LAMA2: variants seen among roughly 807,000 people sequenced by gnomAD.
The protein encoded by LAMA2 is laminin subunit alpha 2.
A neutral mutation model predicts 364.8 loss-of-function variants in LAMA2; 269 were observed. The ratio of observed to expected loss-of-function variants is 0.74; its 90% confidence interval spans 0.67 to 0.82. LAMA2 has a LOEUF of 0.82. Among genes scored for constraint, LAMA2 ranks in the 40% least tolerant of loss-of-function variants. LAMA2 has a pLI of 0.00. For missense variants in LAMA2, 3,807 were observed against 3,873.2 expected, an observed-to-expected ratio of 0.98 and a Z score of 0.45; for synonymous variants, 1,379 against 1,370.6, an observed-to-expected ratio of 1.01 and a Z score of -0.14.
chr6:129,408,505 G>A (rs1483919328), intron 40 of LAMA2, among the ~76,000 whole-genome samples: 4 of 152,094 alleles, frequency 2.6e-5, no homozygotes, highest in Non-Finnish European at 5.9e-5. Context: ...GGGAGTTCAC[G>A]GATGGTACTC....
chr6:128,921,706 T>TTATTTATTTA (rs1562831966), intron 1 of LAMA2, among the ~76,000 whole-genome samples: 278 of 148,912 alleles, frequency 1.9e-3, no homozygotes, highest in African/African-American at 6.2e-3. Context: ...TGTTTTTTTT[T>TTATTTATTTA]TTTTTTTATT....
In LAMA2 at chr6:129,465,150, T is replaced by G. The variant is rs1019635521; in HGVS notation, c.7161T>G (p.Asp2387Glu). Residue 2387 changes from aspartate (D) to glutamate (E), a missense_variant, in exon 51 of 65, where the codon GAT (aspartate) becomes GAG (glutamate). Around this residue, in one of 3 missense-constraint regions of LAMA2, gnomAD observed 3,333 missense variants for 3,345.7 expected, o/e 1.00. Transcript: ENST00000421865. The part of the protein sequence containing the change: ...LMYLATRDLR[D>E]FMSVELTDGH... ...TATGTTTACTCTATTAATAGAGAGA[T>G]TTCATGAGTGTGGAGCTCACTGATG... The G allele has an allele frequency of 6.2e-7, 1 of 1,609,654 alleles. No individual in the cohort carries two copies. Among genetic ancestry groups the G allele is most frequent in the African/African-American group, 1.3e-5 (1 of 74,722 alleles).
intron 3 of LAMA2, among the ~76,000 whole-genome samples, chr6:129,096,352 A>G (rs1381709401): frequency 1.3e-5 from 2 of 152,186 alleles, no homozygotes; most frequent in African/African-American, 4.8e-5. Context: ...ATTTATGTTC[A>G]TACAAAAAAT....
At chr6:129,178,130 T>A (rs1348469670) in intron 10 of LAMA2, among the ~76,000 whole-genome samples, 1 of 152,176 alleles carries the variant, frequency 6.6e-6, no homozygotes, top group Non-Finnish European at 1.5e-5. Context: ...ATTGCCCAAC[T>A]AGTGTGTTAA....
chr6:128,892,645 T>C (rs556769488), intron 1 of LAMA2, among the ~76,000 whole-genome samples: 2 of 152,074 alleles, frequency 1.3e-5, no homozygotes, highest in Non-Finnish European at 2.9e-5. Context: ...AATTTCAGCA[T>C]GGCCTTCAGT....
At chr6:129,329,105 C>T (rs748744535) in intron 29 of LAMA2, among the ~76,000 whole-genome samples, 1 of 152,106 alleles carries the variant, frequency 6.6e-6, no homozygotes, top group Non-Finnish European at 1.5e-5. Context: ...GTAAGAAATT[C>T]AGGTTGCCCC....
intron 1 of LAMA2, among the ~76,000 whole-genome samples, chr6:128,910,044 T>A (rs888345934): frequency 5.3e-5 from 8 of 152,144 alleles, no homozygotes; most frequent in East Asian, 1.9e-4. Flanking sequence ...GGGTAACCCG[T>A]GCTTTCTCTC....
chr6:128,911,140 C>T (rs926066587), intron 1 of LAMA2, among the ~76,000 whole-genome samples: 1 of 152,166 alleles, frequency 6.6e-6, no homozygotes, highest in South Asian at 2.1e-4. Context: ...GCAGGCAGGC[C>T]TCCTTGAGCT....
intron 2 of LAMA2, among the ~76,000 whole-genome samples, chr6:129,050,647 G>A (rs1192510303): frequency 2.0e-5 from 3 of 152,174 alleles, no homozygotes; most frequent in Admixed American, 2.0e-4. Flanking sequence ...AGAGGTGAGG[G>A]AGGGGAAGAG....
chr6:128,908,784 T>G (rs1242038094), intron 1 of LAMA2, among the ~76,000 whole-genome samples: 1 of 149,832 alleles, frequency 6.7e-6, no homozygotes, highest in Non-Finnish European at 1.5e-5. Flanking sequence ...GTGCTATAAA[T>G]TTCCCTCTAC....
chr6:129,128,523 A>T (rs1174350138), intron 4 of LAMA2, among the ~76,000 whole-genome samples: 1 of 152,168 alleles, frequency 6.6e-6, no homozygotes, highest in African/African-American at 2.4e-5. Flanking sequence ...TTTTTTCTAT[A>T]TCTGAAAAAT....
intron 4 of LAMA2, among the ~76,000 whole-genome samples, chr6:129,126,489 T>C (rs1052357817): frequency 1.1e-4 from 17 of 152,198 alleles, no homozygotes; most frequent in Non-Finnish European, 2.1e-4. Flanking sequence ...GAAACTAATA[T>C]GAATGAAGCA....
At chr6:129,125,910 C>T (rs1777088979) in intron 4 of LAMA2, among the ~76,000 whole-genome samples, 1 of 151,834 alleles carries the variant, frequency 6.6e-6, no homozygotes, top group African/African-American at 2.4e-5. Context: ...CATAAATTTA[C>T]ATAATTAGAA....
Position 128,911,180 on chromosome 6 carries a change from C to T in LAMA2, c.112+27823C>T, listed in dbSNP as rs564388991. On this transcript the variant is annotated intron_variant, in intron 1 of 64. Transcript: ENST00000421865. ...TGGGCTACACCCAGTTCGAGCTTCC[C>T]GGCTGCTTTGTTTACCTAATCAAGC... is the stretch of plus-strand genomic sequence containing the variant. Among the ~76,000 whole-genome samples, 319 of 152,044 alleles carry T rather than the reference C, an allele frequency of 2.1e-3. 2 individuals are homozygous for T. The highest frequency in any genetic ancestry group is 5.9e-3 in the African/African-American group (246 of 41,362).
intron 4 of LAMA2, among the ~76,000 whole-genome samples, chr6:129,101,332 T>C (rs1266564058): frequency 6.6e-6 from 1 of 152,210 alleles, no homozygotes; most frequent in Non-Finnish European, 1.5e-5. Flanking sequence ...TTAAACTCGG[T>C]ACATACAGAA....
intron 8 of LAMA2, among the ~76,000 whole-genome samples, chr6:129,155,042 G>C (rs540421822): frequency 7.3e-4 from 111 of 152,232 alleles, no homozygotes; most frequent in African/African-American, 2.6e-3. Flanking sequence ...AATATGTTAA[G>C]ATTTATCCAT....
chr6:129,005,128 CTT>C (rs556654623), intron 1 of LAMA2, among the ~76,000 whole-genome samples: 1 of 150,754 alleles, frequency 6.6e-6, no homozygotes, highest in South Asian at 2.1e-4. Context: ...TTACTGTCCT[CTT>C]TTTTTTTCTG....
At chr6:129,112,194 G>A (rs571582950) in intron 4 of LAMA2, among the ~76,000 whole-genome samples, 4 of 151,948 alleles carry the variant, frequency 2.6e-5, no homozygotes, top group African/African-American at 7.2e-5. Context: ...CTTAGATTAT[G>A]TCAAGGGAAA....
At chr6:128,948,038 A>C (rs1780587288) in intron 1 of LAMA2, among the ~76,000 whole-genome samples, 2 of 152,266 alleles carry the variant, frequency 1.3e-5, no homozygotes, top group South Asian at 4.1e-4. Flanking sequence ...TAAAAAATAC[A>C]GAGATGAAAG....
Sources: gnomAD v4.1 joint callset for allele counts (sites outside exome capture counted in the v4.1 genomes callset) on GRCh38, gnomAD v4.1.1 for gene constraint, gnomAD v4.1.1 regional missense constraint, MANE v1.5 for transcripts, NCBI Gene and HGNC (gene_info 2026-07-23, HGNC 2026-07-21) for gene names.